CXCL12: variants seen among roughly 807,000 people sequenced by gnomAD.
The protein encoded by CXCL12 is C-X-C motif chemokine ligand 12.
A neutral mutation model predicts 10.7 loss-of-function variants in CXCL12; 4 were observed. The ratio of observed to expected loss-of-function variants is 0.37; its 90% CI spans 0.18 to 0.86. The LOEUF (loss-of-function observed/expected upper bound fraction) is 0.86, where lower values mean the gene tolerates loss of function less well. Among genes scored for constraint, CXCL12 ranks in the 40% least tolerant of loss-of-function variants. The pLI is 0.43. For missense variants in CXCL12, 122 were observed against 110.4 expected, an observed-to-expected ratio of 1.10 and a Z score of -0.47; for synonymous variants, 54 against 45.4, an observed-to-expected ratio of 1.19 and a Z score of -0.77.
At chr10:44,379,334 C>T (rs1472239701) in intron 2 of CXCL12, among the ~76,000 whole-genome samples, 1 of 151,964 alleles carries the variant, frequency 6.6e-6, no homozygotes, top group East Asian at 2.0e-4. Context: ...AAAGATTTTA[C>T]AAGTTCACTG....
At chr10:44,382,928 CA>C (rs1266186802) in intron 1 of CXCL12, among the ~76,000 whole-genome samples, 1 of 152,204 alleles carries the variant, frequency 6.6e-6, no homozygotes, top group African/African-American at 2.4e-5. Flanking sequence ...CGTGTACCGG[CA>C]AGAGTCCTGA....
intron 1 of CXCL12, among the ~76,000 whole-genome samples, chr10:44,384,001 T>C (rs1263092991): frequency 6.6e-6 from 1 of 152,218 alleles, no homozygotes; most frequent in African/African-American, 2.4e-5. Flanking sequence ...TGCATCGGTG[T>C]CCTGTGACAG....
intron 2 of CXCL12, among the ~76,000 whole-genome samples, chr10:44,379,428 T>C (rs1839560819): frequency 6.6e-6 from 1 of 152,174 alleles, no homozygotes; most frequent in African/African-American, 2.4e-5. Flanking sequence ...AAGGCCTGAT[T>C]TCATCTCTCT....
chr10:44,372,701 GGA>G (rs1212257702), downstream of CXCL12: 1 of 1,423,682 alleles, frequency 7.0e-7, no homozygotes, highest in Non-Finnish European at 9.1e-7. Context: ...AGCAGAACGT[GGA>G]GGATGTGGAG....
intron 1 of CXCL12, among the ~76,000 whole-genome samples, chr10:44,383,596 G>GC (rs1316048378): frequency 7.9e-6 from 1 of 125,910 alleles, no homozygotes; most frequent in African/African-American, 3.0e-5. Context: ...CTAGAAACAT[G>GC]CCCCATGACT....
rs759096856 is a variant in CXCL12, at chr10:44,383,609, C to CTG, written c.61+1335_61+1336insCA. Among the ~76,000 whole-genome samples the CTG allele has an allele frequency of 9.3e-4, 17 of 18,250 alleles. 2 individuals carry two copies. Among genetic ancestry groups the CTG allele is most frequent in the South Asian group, 5.0e-3 (2 of 398 alleles). 12.0% of individuals were successfully genotyped at this position (18,250 alleles called of 152,430 possible). On this transcript the variant is annotated intron_variant, in intron 1 of 2. Coordinates refer to ENST00000343575, the MANE Select transcript of CXCL12 (RefSeq NM_199168.4). ...AACTAGAAACATGCCCCATGACTTGCGGGGGGGGGGGGGGGTCAGTGTGCA... is the reference window on the plus strand; with the variant it reads ...AACTAGAAACATGCCCCATGACTTGCTGGGGGGGGGGGGGGGGTCAGTGTGCA...
rs1839481183 is a variant in CXCL12, at chr10:44,377,184, A to T, written c.*1449T>A. 1.0e-6 allele frequency: 1 copy of T among 986,840 alleles called. No homozygotes were observed. Among genetic ancestry groups the T allele is most frequent in the Non-Finnish European group, 1.2e-6 (1 of 831,012 alleles). The allele number at this position is 986,840 out of a possible 1,614,324, so 61.1% of individuals were successfully genotyped here. A position where few individuals can be genotyped will look rare whatever the true frequency, so the allele number is the denominator to read the frequency against. On this transcript the variant is annotated 3_prime_UTR_variant, in exon 3 of 3. Transcript: ENST00000343575. ...GCTAGTGCATATAATGTCACATTTG[A>T]TACAATTTTAGTACAAGTGAAAAAA... is the stretch of plus-strand genomic sequence containing the variant.
chr10:44,372,679 C>T (rs1839344293), downstream of CXCL12: 3 of 1,412,210 alleles, frequency 2.1e-6, no homozygotes, highest in Non-Finnish European at 2.8e-6. Flanking sequence ...ATGGATGAGA[C>T]AGAGAATGAT....
Position 44,378,485 on chromosome 10 carries a change from C to A in CXCL12, c.*148G>T. 6.5e-7 allele frequency: 1 copy of A among 1,537,572 alleles called. No individual in the cohort carries two copies. On this transcript the variant is annotated 3_prime_UTR_variant, in exon 3 of 3. Transcript: ENST00000343575. ...GTCTAAATGCTGGCAAACCTCAGGC[C>A]CGATCCCAGATCAATGTGCCCACCC...
chr10:44,372,421 T>C, downstream of CXCL12: 2 of 187,894 alleles, frequency 1.1e-5, no homozygotes, highest in Non-Finnish European at 2.2e-5. Flanking sequence ...GAGCATCTCC[T>C]CGCTCAGCGG....
downstream of CXCL12, chr10:44,375,847 T>G: frequency 6.4e-7 from 1 of 1,574,712 alleles, no homozygotes; most frequent in Non-Finnish European, 8.6e-7. Flanking sequence ...CCCTGCCCAG[T>G]CTGCATGGGG....
Position 44,378,490 on chromosome 10 carries a change from C to T in CXCL12, c.*143G>A. 6.5e-7 allele frequency: 1 copy of T among 1,541,262 alleles called. No homozygotes were observed. Among genetic ancestry groups the T allele is most frequent in the Non-Finnish European group, 8.7e-7 (1 of 1,143,436 alleles). On this transcript the variant is annotated 3_prime_UTR_variant, in exon 3 of 3. Transcript: ENST00000343575. ...AATGCTGGCAAACCTCAGGCCCGAT[C>T]CCAGATCAATGTGCCCACCCCACAC...
chr10:44,376,677 G>A (rs546139848), downstream of CXCL12, among the ~76,000 whole-genome samples: 13 of 152,212 alleles, frequency 8.5e-5, no homozygotes, highest in African/African-American at 3.1e-4. Flanking sequence ...CAAGCTGAAT[G>A]GTATTTAATG....
At chr10:44,381,088 C>T (rs2132048734) in intron 1 of CXCL12, among the ~76,000 whole-genome samples, 1 of 152,278 alleles carries the variant, frequency 6.6e-6, no homozygotes, top group African/African-American at 2.4e-5. Flanking sequence ...TTCTACAGGG[C>T]AAGGAGCCCA....
intron 1 of CXCL12, among the ~76,000 whole-genome samples, chr10:44,381,831 T>G (rs949655221): frequency 6.6e-6 from 1 of 152,250 alleles, no homozygotes; most frequent in Non-Finnish European, 1.5e-5. Context: ...CATCAGAGAT[T>G]AAATATATGT....
downstream of CXCL12, chr10:44,374,107 G>C (rs560735414): frequency 3.4e-6 from 1 of 297,408 alleles, no homozygotes; most frequent in African/African-American, 2.2e-5. Flanking sequence ...AAGACAGGAC[G>C]GACCTTGCAT....
chr10:44,374,377 A>G (rs1435995403), downstream of CXCL12: 1 of 449,718 alleles, frequency 2.2e-6, no homozygotes, highest in Admixed American at 2.4e-5. Flanking sequence ...AGTCCCATGG[A>G]CTAGAGTGGC....
At chr10:44,383,100 C>T (rs889362195) in intron 1 of CXCL12, among the ~76,000 whole-genome samples, 3 of 152,200 alleles carry the variant, frequency 2.0e-5, no homozygotes, top group Non-Finnish European at 4.4e-5. Context: ...AACCCAAGGG[C>T]CCAGCTGCCT....
downstream of CXCL12, chr10:44,372,661 A>T (rs985466211): frequency 2.9e-6 from 4 of 1,398,416 alleles, no homozygotes; most frequent in African/African-American, 4.3e-5. Context: ...TCGTGGACAC[A>T]CATGATGATG....
Sources: allele counts gnomAD v4.1 joint callset (sites outside exome capture counted in the v4.1 genomes callset), GRCh38; gene constraint gnomAD v4.1.1; transcripts MANE v1.5; gene names NCBI Gene and HGNC (gene_info 2026-07-23, HGNC 2026-07-21).